The following RPS6KC1 variants were observed in gnomAD, a reference collection of about 807,000 sequenced individuals.
RPS6KC1 encodes inactive ribosomal protein S6 kinase delta-1.
A neutral mutation model predicts 103.8 loss-of-function variants in RPS6KC1; 54 were observed. The ratio of observed to expected loss-of-function variants is 0.52; its 90% CI spans 0.42 to 0.65. The LOEUF is 0.65. RPS6KC1 is among the 30% of genes least tolerant of loss of function. The pLI is 0.00. For synonymous variants in RPS6KC1, 439 were observed against 438.7 expected (o/e 1.00, Z -0.01); for missense variants, 1,151 against 1,253.8 (o/e 0.92, Z 1.24).
intron 14 of RPS6KC1, among the ~76,000 whole-genome samples, chr1:213,271,396 C>T (rs2095043911): frequency 1.3e-5 from 2 of 151,992 alleles, no homozygotes; most frequent in Non-Finnish European, 2.9e-5. Context: ...AAAGGCAGGT[C>T]AGTGGTTGCC....
At chr1:213,134,771 A>AT (rs1422252988) in intron 6 of RPS6KC1, among the ~76,000 whole-genome samples, 3 of 152,172 alleles carry the variant, frequency 2.0e-5, no homozygotes, top group African/African-American at 7.2e-5. Context: ...TTTAGGTTTG[A>AT]TAAAGGGAAG....
chr1:213,191,834 G>T (rs1439714309), intron 8 of RPS6KC1, among the ~76,000 whole-genome samples: 1 of 151,842 alleles, frequency 6.6e-6, no homozygotes, highest in Admixed American at 6.6e-5. Flanking sequence ...TTTTGAGATG[G>T]AGTCTTGCTC....
At chr1:213,353,821 C>T in the RPS6KC1 span, among the ~76,000 whole-genome samples, 1 of 152,086 alleles carries the variant, frequency 6.6e-6, no homozygotes, top group Non-Finnish European at 1.5e-5. Context: ...GAGAAAGGGA[C>T]AGAAAGAAAT....
the RPS6KC1 span, among the ~76,000 whole-genome samples, chr1:213,289,923 C>T: frequency 1.3e-5 from 2 of 151,982 alleles, no homozygotes; most frequent in Non-Finnish European, 2.9e-5. Context: ...CCTGTGATCC[C>T]AGCTACTCGG....
At chr1:213,726,410 C>A in the RPS6KC1 span, among the ~76,000 whole-genome samples, 1 of 152,168 alleles carries the variant, frequency 6.6e-6, no homozygotes, top group South Asian at 2.1e-4. Flanking sequence ...AGGCAGATGG[C>A]ACTAACTGTC....
chr1:213,073,622 C>T (rs2079060827), intron 2 of RPS6KC1, among the ~76,000 whole-genome samples: 1 of 152,170 alleles, frequency 6.6e-6, no homozygotes, highest in East Asian at 1.9e-4. Context: ...TCAGAAATCT[C>T]TAACTTTTAA....
the RPS6KC1 span, among the ~76,000 whole-genome samples, chr1:213,606,985 A>T: frequency 6.6e-6 from 1 of 152,214 alleles, no homozygotes; most frequent in African/African-American, 2.4e-5. Context: ...TAAGGGCAGG[A>T]TCCACCTGGG....
At chr1:213,067,782 A>G (rs1196238069) in intron 1 of RPS6KC1, among the ~76,000 whole-genome samples, 1 of 152,186 alleles carries the variant, frequency 6.6e-6, no homozygotes, top group Non-Finnish European at 1.5e-5. Flanking sequence ...CGGCTGAGAA[A>G]TAATAATCAA....
the RPS6KC1 span, among the ~76,000 whole-genome samples, chr1:213,694,699 C>A: frequency 1.1e-4 from 17 of 152,098 alleles, no homozygotes; most frequent in Non-Finnish European, 2.2e-4. Flanking sequence ...AACACATAGC[C>A]ATATGAAGGA....
At chr1:213,144,421 G>A (rs893239025) in intron 6 of RPS6KC1, among the ~76,000 whole-genome samples, 2 of 151,902 alleles carry the variant, frequency 1.3e-5, no homozygotes, top group African/African-American at 4.8e-5. Flanking sequence ...GATTATAGCT[G>A]TGAAAAAATT....
At chr1:213,528,243 A>G in the RPS6KC1 span, among the ~76,000 whole-genome samples, 5 of 152,210 alleles carry the variant, frequency 3.3e-5, no homozygotes, top group African/African-American at 9.6e-5. Flanking sequence ...CATGGCAGAA[A>G]AAAAAGCAAA....
chr1:213,733,481 C>A, the RPS6KC1 span, among the ~76,000 whole-genome samples: 1 of 151,528 alleles, frequency 6.6e-6, no homozygotes, highest in African/African-American at 2.4e-5. Flanking sequence ...AAGCGATCAT[C>A]CTGCTTTGGC....
At chr1:213,431,033 G>A in the RPS6KC1 span, among the ~76,000 whole-genome samples, 1 of 152,316 alleles carries the variant, frequency 6.6e-6, no homozygotes, top group East Asian at 1.9e-4. Flanking sequence ...AGTGTGGGAA[G>A]GGGGAGGAGA....
the RPS6KC1 span, among the ~76,000 whole-genome samples, chr1:213,348,486 A>G: frequency 6.6e-6 from 1 of 152,194 alleles, no homozygotes; most frequent in Non-Finnish European, 1.5e-5. Flanking sequence ...TATCTGGGTC[A>G]TTGCAGCTGT....
chr1:213,634,459 C>T, the RPS6KC1 span, among the ~76,000 whole-genome samples: 1 of 152,188 alleles, frequency 6.6e-6, no homozygotes, highest in Admixed American at 6.6e-5. Context: ...GGAAACTGAA[C>T]AATCTGCTCC....
At chr1:213,461,265 G>T in the RPS6KC1 span, among the ~76,000 whole-genome samples, 1 of 152,146 alleles carries the variant, frequency 6.6e-6, no homozygotes, top group Non-Finnish European at 1.5e-5. Flanking sequence ...ACAAACAACT[G>T]CTCAAGGAAA....
At chr1:213,661,150 C>T in the RPS6KC1 span, among the ~76,000 whole-genome samples, 1 of 152,262 alleles carries the variant, frequency 6.6e-6, no homozygotes, top group East Asian at 1.9e-4. Flanking sequence ...TTTTTTTCTA[C>T]CCTAGCAAAT....
chr1:213,735,413 G>A, the RPS6KC1 span, among the ~76,000 whole-genome samples: 162 of 152,312 alleles, frequency 1.1e-3, no homozygotes, highest in African/African-American at 3.8e-3. Context: ...CCACAGGTGG[G>A]CATATTAGAC....
chr1:213,528,415 G>A, the RPS6KC1 span, among the ~76,000 whole-genome samples: 1 of 144,118 alleles, frequency 6.9e-6, no homozygotes, highest in Non-Finnish European at 1.5e-5. Flanking sequence ...TCCCTCCCAC[G>A]ACACATGGGG....
Sources: allele counts gnomAD v4.1 joint callset (sites outside exome capture counted in the v4.1 genomes callset), GRCh38; gene constraint gnomAD v4.1.1; transcripts MANE v1.5; gene names NCBI Gene and HGNC (gene_info 2026-07-23, HGNC 2026-07-21).